The following DNAAF4 variants were observed in gnomAD, a reference collection of about 807,000 sequenced individuals.
DNAAF4 encodes the protein dynein assembly factor 4, axonemal.
Under a neutral mutation model 51.8 loss-of-function variants are expected in DNAAF4, and 43 were observed. The observed-to-expected ratio is 0.83, with a 90% CI of 0.65 to 1.07. DNAAF4 has a LOEUF of 1.07. Ranked by LOEUF, DNAAF4 falls within the 50% of genes least tolerant of loss-of-function variation. The pLI is 0.00. For synonymous variants in DNAAF4, 194 were observed against 165.6 expected, an observed-to-expected ratio of 1.17 and a Z score of -1.32; for missense variants, 581 against 493.0, an observed-to-expected ratio of 1.18 and a Z score of -1.69.
chr15:55,461,278 C>CACCAGATTCTGGTCTCTGGTTAGAG (rs2058091146), intron 5 of DNAAF4, among the ~76,000 whole-genome samples: 1 of 151,838 alleles, frequency 6.6e-6, no homozygotes, highest in Non-Finnish European at 1.5e-5. Context: ...CCGTGTTAGC[C>CACCAGATTCTGGTCTCTGGTTAGAG]ACCAGATTCT....
In DNAAF4 at chr15:55,441,148, C is replaced by T. The variant is rs1201711947; in HGVS notation, c.784-1567G>A. Among the ~76,000 whole-genome samples the T allele has an allele frequency of 3.3e-5, 5 of 151,600 alleles. No individual in the cohort carries two copies. In the South Asian group the frequency reaches 8.4e-4, roughly 25 times the overall value. On this transcript the variant is annotated intron_variant, in intron 6 of 9. Coordinates refer to ENST00000321149, the MANE Select transcript of DNAAF4 (RefSeq NM_130810.4). The stretch of plus-strand genomic sequence containing the variant: ...GTGCAGTTGCATGATCTCAGCTCAC[C>T]GCAACCTCCGCCTTCTGGGTTCAAG...
At position 55,424,762 on chromosome 15, in the gene DNAAF4, C is replaced by T. The variant is rs901709357; in HGVS notation, c.1048-6629G>A. On this transcript the variant is annotated intron_variant, in intron 7 of 7. Transcript: ENST00000448430. Reference sequence around the variant, plus strand: ...ATTTTTAGTAGAGACAGGGTTTCACCATGTTGGTCAGGCTGGTCTCCAACT... The same window carrying T: ...ATTTTTAGTAGAGACAGGGTTTCACTATGTTGGTCAGGCTGGTCTCCAACT... Among the ~76,000 whole-genome samples the T allele has an allele frequency of 2.6e-5, 4 of 151,956 alleles. No homozygotes were observed. The South Asian group carries it at 8.3e-4, about 32-fold the overall frequency.
chr15:55,461,661 C>T (rs2058096277), intron 5 of DNAAF4, among the ~76,000 whole-genome samples: 1 of 152,094 alleles, frequency 6.6e-6, no homozygotes, highest in African/African-American at 2.4e-5. Flanking sequence ...AAGTTCATAG[C>T]ACTAAACGCC....
At chr15:55,453,740 C>T (rs563859018) in intron 5 of DNAAF4, among the ~76,000 whole-genome samples, 19 of 151,560 alleles carry the variant, frequency 1.3e-4, no homozygotes, top group Admixed American at 7.9e-4. Flanking sequence ...TTAGTAGAGA[C>T]GGGGTTTCAC....
chr15:55,458,544 G>C (rs541269049), intron 5 of DNAAF4, among the ~76,000 whole-genome samples: 1 of 152,244 alleles, frequency 6.6e-6, no homozygotes, highest in African/African-American at 2.4e-5. Context: ...CTGAGATTAT[G>C]TAAACAAGCA....
intron 8 of DNAAF4, among the ~76,000 whole-genome samples, chr15:55,432,825 C>G (rs1340057410): frequency 6.6e-6 from 1 of 151,364 alleles, no homozygotes; most frequent in Admixed American, 6.6e-5. Context: ...TGGTGCACAC[C>G]TGTAGTCCTA....
intron 6 of DNAAF4, 74 bp downstream of exon 6, chr15:55,450,148 A>T (rs1231066538): frequency 1.4e-6 from 2 of 1,422,718 alleles, no homozygotes; most frequent in African/African-American, 2.9e-5. Context: ...CAGAACCAGT[A>T]CTAATTTCAA....
chr15:55,452,986 C>T (rs2141468080), intron 5 of DNAAF4, among the ~76,000 whole-genome samples: 1 of 152,208 alleles, frequency 6.6e-6, no homozygotes, highest in East Asian at 1.9e-4. Flanking sequence ...CCACCATGCC[C>T]AGCTAATTTT....
At chr15:55,462,183 T>C (rs192964446) in intron 5 of DNAAF4, among the ~76,000 whole-genome samples, 3 of 151,762 alleles carry the variant, frequency 2.0e-5, no homozygotes, top group Admixed American at 1.3e-4. Context: ...CAGGACCAGA[T>C]GGATTCACAG....
At chr15:55,423,358 C>CCA (rs1278616672) in intron 7 of DNAAF4, among the ~76,000 whole-genome samples, 1 of 152,038 alleles carries the variant, frequency 6.6e-6, no homozygotes, top group African/African-American at 2.4e-5. Context: ...CAGTCATGCA[C>CCA]CACCATGCCT....
downstream of DNAAF4, among the ~76,000 whole-genome samples, chr15:55,428,243 C>A (rs945469904): frequency 4.6e-5 from 7 of 151,978 alleles, no homozygotes; most frequent in African/African-American, 1.7e-4. Flanking sequence ...CATGAGCCAC[C>A]ATGCCCAGCA....
In DNAAF4 at chr15:55,432,583, G is replaced by GCTAATC; in HGVS notation, c.1066_1067insGATTAG (p.Pro356delinsArgLeuAla). 1 of 1,611,180 alleles carries GCTAATC rather than the reference G, an allele frequency of 6.2e-7. No homozygotes were observed. Among genetic ancestry groups the GCTAATC allele is most frequent in the Non-Finnish European group, 8.5e-7 (1 of 1,178,182 alleles). ...TGCATTAGCATTGTCTGTAACAGGT[G>GCTAATC]GCATCAATAATTCCAGTGCCTTACA... On this transcript the variant is annotated protein_altering_variant, in exon 9 of 10. Coordinates refer to ENST00000321149, the MANE Select transcript of DNAAF4 (RefSeq NM_130810.4).
At chr15:55,422,856 G>C (rs1330282711) in intron 7 of DNAAF4, among the ~76,000 whole-genome samples, 4 of 152,096 alleles carry the variant, frequency 2.6e-5, no homozygotes, top group African/African-American at 9.7e-5. Context: ...AATTAGCCAG[G>C]TGTGATGGTG....
intron 1 of DNAAF4, among the ~76,000 whole-genome samples, chr15:55,506,934 C>T (rs1308880773): frequency 6.6e-6 from 1 of 152,162 alleles, no homozygotes; most frequent in African/African-American, 2.4e-5. Context: ...ACTGCAATCT[C>T]TGCCTCCCAG....
intron 5 of DNAAF4, among the ~76,000 whole-genome samples, chr15:55,463,384 G>T (rs868794681): frequency 5.9e-5 from 9 of 152,020 alleles, no homozygotes; most frequent in African/African-American, 1.9e-4. Flanking sequence ...ACAAGACAAG[G>T]ATGTCCACTT....
At chr15:55,496,247 A>G (rs1376926955) in intron 3 of DNAAF4, among the ~76,000 whole-genome samples, 1 of 152,134 alleles carries the variant, frequency 6.6e-6, no homozygotes, top group Non-Finnish European at 1.5e-5. Context: ...CAAACAAACA[A>G]CAACTGGGGA....
At chr15:55,475,490 T>A (rs1397087070) in intron 4 of DNAAF4, among the ~76,000 whole-genome samples, 1 of 152,172 alleles carries the variant, frequency 6.6e-6, no homozygotes, top group Non-Finnish European at 1.5e-5. Flanking sequence ...ACTGGCTGAA[T>A]ATCCCTTGTC....
At position 55,461,614 on chromosome 15, in the gene DNAAF4, A is replaced by G. The variant is rs770968932; in HGVS notation, c.637+5316T>C. 2.2e-4 allele frequency among the ~76,000 whole-genome samples: 34 copies of G among 152,188 alleles called. 1 individual carries two copies. Among genetic ancestry groups the G allele is most frequent in the Admixed American group, 2.6e-4 (4 of 15,268 alleles). On this transcript the variant is annotated intron_variant, in intron 5 of 9. Transcript: ENST00000321149. ...ACGATAATAGTGACACAACCAGTCAAAACCTCTGGGATACAGCAAAAGCAG... is the reference window on the plus strand; with the variant it reads ...ACGATAATAGTGACACAACCAGTCAGAACCTCTGGGATACAGCAAAAGCAG...
intron 4 of DNAAF4, among the ~76,000 whole-genome samples, chr15:55,469,930 C>T (rs1320565270): frequency 6.6e-6 from 1 of 152,206 alleles, no homozygotes; most frequent in African/African-American, 2.4e-5. Flanking sequence ...ATCATAAGTC[C>T]AGGACTCCCA....
Sources: gnomAD v4.1 joint callset for allele counts (sites outside exome capture counted in the v4.1 genomes callset) on GRCh38, gnomAD v4.1.1 for gene constraint, MANE v1.5 for transcripts, NCBI Gene and HGNC (gene_info 2026-07-23, HGNC 2026-07-21) for gene names.